Variants in CREB5 observed in about 807,000 individuals in gnomAD.
CREB5 encodes the protein cyclic AMP-responsive element-binding protein 5.
In CREB5, 19 loss-of-function variants were observed where a neutral mutation model predicts 57.1. That is an observed-to-expected ratio of 0.33 (90% CI 0.23 to 0.49). The LOEUF is 0.49. CREB5 is among the 20% of genes least tolerant of loss of function. The pLI is 0.99. For missense variants in CREB5, 579 were observed against 671.6 expected, an observed-to-expected ratio of 0.86 and a Z score of 1.52; for synonymous variants, 238 against 238.3, an observed-to-expected ratio of 1.00 and a Z score of 0.01.
chr7:28,594,828 C>A (rs1365722982), intron 5 of CREB5, among the ~76,000 whole-genome samples: 1 of 152,156 alleles, frequency 6.6e-6, no homozygotes, highest in African/African-American at 2.4e-5. Flanking sequence ...GCTAACCAAA[C>A]CCCTTGACTT....
intron 5 of CREB5, among the ~76,000 whole-genome samples, chr7:28,583,188 A>G (rs2128658234): frequency 6.6e-6 from 1 of 152,356 alleles, no homozygotes. Context: ...GCTCTTCAGC[A>G]AGAGCATAGT....
chr7:28,592,188 C>A (rs143435208), intron 5 of CREB5, among the ~76,000 whole-genome samples: 2 of 152,250 alleles, frequency 1.3e-5, no homozygotes, highest in East Asian at 1.9e-4. Context: ...GTGGGCTGTT[C>A]CTGTTTTAAT....
At chr7:28,585,584 A>C (rs1796275969) in intron 5 of CREB5, among the ~76,000 whole-genome samples, 1 of 152,160 alleles carries the variant, frequency 6.6e-6, no homozygotes, top group Non-Finnish European at 1.5e-5. Flanking sequence ...TTGATCTGTT[A>C]ACTTTTCCTA....
chr7:28,688,977 C>A (rs1801098050), intron 5 of CREB5, among the ~76,000 whole-genome samples: 1 of 152,072 alleles, frequency 6.6e-6, no homozygotes, highest in Non-Finnish European at 1.5e-5. Context: ...CTGGCTGTGG[C>A]CTCTCCATGC....
At chr7:28,756,219 C>T (rs1805288250) in intron 7 of CREB5, among the ~76,000 whole-genome samples, 1 of 151,960 alleles carries the variant, frequency 6.6e-6, no homozygotes, top group African/African-American at 2.4e-5. Context: ...AAGTCGCAGC[C>T]AAATGAAGGG....
At chr7:28,796,474 C>G (rs1453010803) in intron 7 of CREB5, among the ~76,000 whole-genome samples, 1 of 152,174 alleles carries the variant, frequency 6.6e-6, no homozygotes, top group East Asian at 1.9e-4. Context: ...CAAAACAACT[C>G]TACTCAGTTC....
At chr7:28,495,518 G>A (rs1792001371) in intron 3 of CREB5, among the ~76,000 whole-genome samples, 1 of 147,060 alleles carries the variant, frequency 6.8e-6, no homozygotes, top group African/African-American at 2.6e-5. Context: ...CTCCAGCCTG[G>A]GTGACAGCAA....
chr7:28,674,488 C>T (rs543328262), intron 5 of CREB5, among the ~76,000 whole-genome samples: 5 of 152,276 alleles, frequency 3.3e-5, no homozygotes, highest in Non-Finnish European at 7.3e-5. Flanking sequence ...GAGTATCCTG[C>T]ATGACTCATT....
intron 5 of CREB5, among the ~76,000 whole-genome samples, chr7:28,697,680 G>T (rs1294026314): frequency 6.6e-6 from 1 of 152,136 alleles, no homozygotes; most frequent in Non-Finnish European, 1.5e-5. Context: ...TCGCAATTGG[G>T]AATCTCCAGA....
chr7:28,405,139 T>A (rs529792166), intron 1 of CREB5, among the ~76,000 whole-genome samples: 3 of 152,192 alleles, frequency 2.0e-5, no homozygotes, highest in Non-Finnish European at 4.4e-5. Context: ...TATTTGGAAA[T>A]CTTTATCCCT....
chr7:28,778,153 CAA>C (rs1330321540), intron 7 of CREB5, among the ~76,000 whole-genome samples: 1 of 152,146 alleles, frequency 6.6e-6, no homozygotes, highest in Non-Finnish European at 1.5e-5. Flanking sequence ...TTGAAAACAA[CAA>C]AGTTTTATAA....
At chr7:28,564,230 G>A (rs965722146) in intron 4 of CREB5, among the ~76,000 whole-genome samples, 7 of 152,196 alleles carry the variant, frequency 4.6e-5, no homozygotes, top group African/African-American at 1.7e-4. Context: ...GAGTTAAGAT[G>A]ACCCTGGCTC....
At chr7:28,302,144 T>A (rs748109828) in intron 1 of CREB5, among the ~76,000 whole-genome samples, 2 of 152,350 alleles carry the variant, frequency 1.3e-5, no homozygotes, top group South Asian at 2.1e-4. Flanking sequence ...AATAACAAAA[T>A]GTGAAATTTC....
chr7:28,514,728 A>C (rs1792873509), intron 4 of CREB5, among the ~76,000 whole-genome samples: 1 of 152,168 alleles, frequency 6.6e-6, no homozygotes, highest in African/African-American at 2.4e-5. Context: ...CTATGACAGG[A>C]CATTTGTTCT....
chr7:28,811,856 G>A (rs1052437728), intron 9 of CREB5, among the ~76,000 whole-genome samples: 12 of 152,226 alleles, frequency 7.9e-5, no homozygotes, highest in South Asian at 4.2e-4. Flanking sequence ...AAATATTACC[G>A]CAGTGGTTCT....
At chr7:28,653,343 T>C (rs1000193897) in intron 5 of CREB5, among the ~76,000 whole-genome samples, 10 of 152,246 alleles carry the variant, frequency 6.6e-5, no homozygotes, top group Non-Finnish European at 1.5e-4. Flanking sequence ...GAAGTCATTC[T>C]GTAACTTGTC....
intron 9 of CREB5, among the ~76,000 whole-genome samples, chr7:28,811,360 AT>A (rs1325317175): frequency 2.0e-5 from 3 of 152,192 alleles, no homozygotes; most frequent in Non-Finnish European, 1.5e-5. Context: ...GCACAGTAGT[AT>A]CTGAAAAACT....
intron 1 of CREB5, among the ~76,000 whole-genome samples, chr7:28,471,175 A>G (rs925515190): frequency 2.6e-5 from 4 of 152,104 alleles, no homozygotes; most frequent in South Asian, 2.1e-4. Flanking sequence ...AGTTTTTCCA[A>G]TGTTTTCTTG....
chr7:28,471,473 T>C (rs1210100455), intron 1 of CREB5, among the ~76,000 whole-genome samples: 1 of 152,178 alleles, frequency 6.6e-6, no homozygotes, highest in Non-Finnish European at 1.5e-5. Flanking sequence ...TCGGTTACTA[T>C]AGCTCAGTAT....
Sources: allele counts gnomAD v4.1 joint callset (sites outside exome capture counted in the v4.1 genomes callset), GRCh38; gene constraint gnomAD v4.1.1; transcripts MANE v1.5; gene names NCBI Gene and HGNC (gene_info 2026-07-23, HGNC 2026-07-21).